ROCK1: variants seen among roughly 807,000 people sequenced by gnomAD.
ROCK1 encodes Rho associated coiled-coil containing protein kinase 1.
Under a neutral mutation model 196.8 loss-of-function variants are expected in ROCK1, and 36 were observed. The ratio of observed to expected loss-of-function variants is 0.18; its 90% CI spans 0.14 to 0.24. ROCK1 has a LOEUF of 0.24. Ranked by LOEUF, ROCK1 falls within the 10% of genes least tolerant of loss-of-function variation. ROCK1 has a pLI of 1.00. For synonymous variants in ROCK1, 443 were observed against 515.9 expected (o/e 0.86, Z 1.91); for missense variants, 920 against 1,562.0 (o/e 0.59, Z 6.93).
intron 21 of ROCK1, among the ~76,000 whole-genome samples, chr18:20,981,342 C>T (rs1433400821): frequency 1.3e-5 from 2 of 151,806 alleles, no homozygotes; most frequent in African/African-American, 4.8e-5. Flanking sequence ...TGCAGTGAGC[C>T]AAGATCGTGC....
chr18:20,977,414 T>C (rs2035490588), intron 22 of ROCK1, among the ~76,000 whole-genome samples: 1 of 152,206 alleles, frequency 6.6e-6, no homozygotes, highest in Admixed American at 6.5e-5. Flanking sequence ...CTGCCTATAT[T>C]GTCCCTTGTT....
At chr18:21,091,187 C>T (rs958113814) in intron 1 of ROCK1, among the ~76,000 whole-genome samples, 17 of 151,754 alleles carry the variant, frequency 1.1e-4, no homozygotes, top group African/African-American at 3.6e-4. Context: ...ATGAAGATAA[C>T]GAGGATGAAG....
At chr18:21,039,405 G>A (rs2143498753) in intron 9 of ROCK1, 67 bp downstream of exon 9, 1 of 1,133,976 alleles carries the variant, frequency 8.8e-7, no homozygotes, top group Non-Finnish European at 1.3e-6. Context: ...TAGCAATGTA[G>A]TTTCAACAAA....
chr18:21,084,498 A>C (rs1298213696), intron 1 of ROCK1, among the ~76,000 whole-genome samples: 1 of 152,256 alleles, frequency 6.6e-6, no homozygotes, highest in Non-Finnish European at 1.5e-5. Context: ...AAGCACATGA[A>C]AAGATGCTCA....
At chr18:21,000,293 A>G (rs559535430) in intron 16 of ROCK1, among the ~76,000 whole-genome samples, 1 of 151,436 alleles carries the variant, frequency 6.6e-6, no homozygotes, top group Non-Finnish European at 1.5e-5. Flanking sequence ...ACAGGGTCTC[A>G]CTGTGTTCGC....
intron 29 of ROCK1, among the ~76,000 whole-genome samples, chr18:20,959,096 ATATATATTATATATATAT>A (rs1370145459): frequency 1.6e-4 from 3 of 18,814 alleles, no homozygotes; most frequent in Non-Finnish European, 2.6e-4. Flanking sequence ...TTTATATAAT[ATATATATTATATATATAT>A]TATATAATAT....
chr18:20,977,884 T>C (rs1436214510), intron 22 of ROCK1, among the ~76,000 whole-genome samples: 1 of 152,148 alleles, frequency 6.6e-6, no homozygotes, highest in Non-Finnish European at 1.5e-5. Flanking sequence ...TATGACTATA[T>C]CAGAGAATAA....
chr18:21,044,778 A>G (rs1352604970), intron 5 of ROCK1, among the ~76,000 whole-genome samples: 1 of 152,212 alleles, frequency 6.6e-6, no homozygotes, highest in African/African-American at 2.4e-5. Context: ...AGGCTATATG[A>G]TCAGATTAAG....
intron 6 of ROCK1, among the ~76,000 whole-genome samples, chr18:21,043,474 A>G (rs909103905): frequency 2.6e-5 from 4 of 151,216 alleles, no homozygotes; most frequent in Non-Finnish European, 5.9e-5. Flanking sequence ...GGAATAACAT[A>G]TACACAGCTC....
chr18:21,058,943 G>T (rs937122831), intron 2 of ROCK1, among the ~76,000 whole-genome samples: 1 of 152,142 alleles, frequency 6.6e-6, no homozygotes, highest in African/African-American at 2.4e-5. Flanking sequence ...CTAGGAAGAT[G>T]TGCTACATTT....
In ROCK1 at chr18:21,049,727, T is replaced by G. The variant is rs2036189153; in HGVS notation, c.276+53A>C. 2.7e-5 allele frequency: 28 copies of G among 1,047,116 alleles called. No homozygotes were observed. In the South Asian group the frequency reaches 3.9e-4, roughly 15 times the overall value. 64.9% of individuals were successfully genotyped at this position (1,047,116 alleles called of 1,614,324 possible). ...CCAAATAATATGTTAAACACACAAG[T>G]GGATTATTTTAATTTAATAAAGTCC... On this transcript the variant is annotated intron_variant, in intron 3 of 32. Coordinates refer to ENST00000399799, the MANE Select transcript of ROCK1 (RefSeq NM_005406.3).
chr18:21,076,157 A>G (rs1453933810), intron 1 of ROCK1, among the ~76,000 whole-genome samples: 2 of 152,208 alleles, frequency 1.3e-5, no homozygotes, highest in African/African-American at 2.4e-5. Context: ...CCATTTAAAC[A>G]TCACTGATGG....
intron 16 of ROCK1, among the ~76,000 whole-genome samples, chr18:20,996,004 C>T (rs553383186): frequency 6.6e-6 from 1 of 152,258 alleles, no homozygotes; most frequent in South Asian, 2.1e-4. Context: ...AATGCCCAGA[C>T]ACCAACAAAC....
Position 20,962,076 on chromosome 18 carries a change from T to C in ROCK1, c.3353-1870A>G, listed in dbSNP as rs72879407. On this transcript the variant is annotated intron_variant, in intron 27 of 32. Transcript: ENST00000399799. ...ACAACGAGGTGGTACTTGACAGATA[T>C]TTGTTGATTATTTTGTAATTCTGCA... 6.0e-3 allele frequency among the ~76,000 whole-genome samples: 916 copies of C among 152,270 alleles called. 6 individuals are homozygous for C. Among genetic ancestry groups the C allele is most frequent in the Non-Finnish European group, 8.8e-3 (597 of 68,012 alleles).
intron 27 of ROCK1, among the ~76,000 whole-genome samples, chr18:20,962,055 C>T (rs1389090601): frequency 6.6e-6 from 1 of 152,036 alleles, no homozygotes; most frequent in Admixed American, 6.6e-5. Flanking sequence ...AATGACACAA[C>T]GAGGTGGTAC....
chr18:20,969,251 A>G, intron 23 of ROCK1, 43 bp from the exon 24 acceptor site: 2 of 1,222,580 alleles, frequency 1.6e-6, no homozygotes, highest in East Asian at 4.7e-5. Context: ...CCTCTTTGCT[A>G]TTCTCGTATT....
chr18:21,082,685 T>C (rs1282267955), intron 1 of ROCK1, among the ~76,000 whole-genome samples: 4 of 152,150 alleles, frequency 2.6e-5, no homozygotes, highest in African/African-American at 7.2e-5. Flanking sequence ...TTCCTCAGCA[T>C]GGTGAAGGCC....
intron 14 of ROCK1, 30 bp from the exon 15 acceptor site, chr18:21,006,820 T>C: frequency 1.5e-6 from 2 of 1,313,440 alleles, no homozygotes; most frequent in Non-Finnish European, 2.1e-6. Context: ...TATATAGAAA[T>C]TACAACATTT....
chr18:21,003,763 C>T (rs1327973391), intron 16 of ROCK1, among the ~76,000 whole-genome samples: 1 of 152,046 alleles, frequency 6.6e-6, no homozygotes, highest in Non-Finnish European at 1.5e-5. Flanking sequence ...CAAAATGCTC[C>T]AAATTCTGAA....
Sources: allele counts gnomAD v4.1 joint callset (sites outside exome capture counted in the v4.1 genomes callset), GRCh38; gene constraint gnomAD v4.1.1; transcripts MANE v1.5; gene names NCBI Gene and HGNC (gene_info 2026-07-23, HGNC 2026-07-21).